Variants in ERCC6L2 observed in about 807,000 individuals in gnomAD.
ERCC6L2 encodes DNA excision repair protein ERCC-6-like 2.
ERCC6L2 carries 77 observed loss-of-function variants against 132.0 expected under a neutral mutation model. The observed-to-expected ratio is 0.58, with a 90% CI of 0.49 to 0.71. The LOEUF (loss-of-function observed/expected upper bound fraction) is 0.71. ERCC6L2 is among the 30% of genes least tolerant of loss of function. The probability of loss-of-function intolerance (pLI) is 0.00; values close to 1 mark genes in which losing one functional copy is unlikely to be tolerated. For synonymous variants in ERCC6L2, 583 were observed against 632.4 expected, an observed-to-expected ratio of 0.92 and a Z score of 1.17; for missense variants, 1,542 against 1,837.6, an observed-to-expected ratio of 0.84 and a Z score of 2.94.
chr9:95,899,894 C>T (rs75405314), intron 3 of ERCC6L2, among the ~76,000 whole-genome samples: 3,936 of 152,102 alleles, frequency 0.026, 192 homozygotes, highest in African/African-American at 0.091. Context: ...ACAAGGTCTG[C>T]GTACATGTTT....
intron 3 of ERCC6L2, among the ~76,000 whole-genome samples, chr9:95,905,825 A>G (rs1829006800): frequency 6.6e-6 from 1 of 152,250 alleles, no homozygotes; most frequent in African/African-American, 2.4e-5. Context: ...CACAGAAAAC[A>G]GAGCAGAATT....
At chr9:95,962,789 T>C (rs1831970385) in intron 13 of ERCC6L2, among the ~76,000 whole-genome samples, 1 of 152,168 alleles carries the variant, frequency 6.6e-6, no homozygotes, top group African/African-American at 2.4e-5. Flanking sequence ...GATAAGCCTA[T>C]CGTAAGTCCA....
intron 2 of ERCC6L2, among the ~76,000 whole-genome samples, chr9:95,889,662 T>TA (rs1179790266): frequency 6.6e-6 from 1 of 152,132 alleles, no homozygotes; most frequent in East Asian, 1.9e-4. Flanking sequence ...TTCCAGTCAA[T>TA]ATGCCAATTA....
chr9:96,032,232 A>T (rs564368390), intron 19 of ERCC6L2, among the ~76,000 whole-genome samples: 2 of 152,188 alleles, frequency 1.3e-5, no homozygotes, highest in African/African-American at 4.8e-5. Flanking sequence ...GGGACCCCAG[A>T]TCTGAAAAGC....
At chr9:95,978,276 A>G (rs924255586) in intron 17 of ERCC6L2, 61 bp downstream of exon 17, 23 of 1,131,770 alleles carry the variant, frequency 2.0e-5, no homozygotes, top group South Asian at 1.6e-4. Flanking sequence ...AAGTTACTCA[A>G]TAGGATCTTC....
intron 17 of ERCC6L2, among the ~76,000 whole-genome samples, chr9:95,983,549 A>T (rs192512530): frequency 3.0e-4 from 45 of 152,340 alleles, no homozygotes; most frequent in Non-Finnish European, 4.9e-4. Flanking sequence ...TAACTAGTGG[A>T]TTAAAGAATG....
chr9:96,009,637 C>T lies in ERCC6L2; in HGVS notation c.3675-2588C>T, dbSNP rs552615443. Among the ~76,000 whole-genome samples, 545 of 152,332 alleles carry T rather than the reference C, an allele frequency of 3.6e-3. 3 individuals carry two copies. The highest frequency in any genetic ancestry group is 0.013 in the African/African-American group (526 of 41,574). On this transcript the variant is annotated intron_variant, in intron 18 of 18. Transcript: ENST00000653738. ...ATGGAAGTCTACTCTAGTTAACTAA[C>T]TTTTCTTCACAAACTGGCTGGCTTA...
chr9:95,933,055 C>T (rs1356891627), intron 11 of ERCC6L2, among the ~76,000 whole-genome samples: 3 of 152,064 alleles, frequency 2.0e-5, no homozygotes, highest in African/African-American at 7.2e-5. Context: ...GCTTCTTCAG[C>T]AAGGACTGAA....
At chr9:95,900,694 T>C (rs1253846125) in intron 3 of ERCC6L2, among the ~76,000 whole-genome samples, 2 of 152,194 alleles carry the variant, frequency 1.3e-5, no homozygotes, top group African/African-American at 4.8e-5. Flanking sequence ...GTGCATTGTG[T>C]AGTCTCTGTT....
chr9:95,885,109 T>C (rs1158224228), intron 2 of ERCC6L2, among the ~76,000 whole-genome samples: 1 of 151,598 alleles, frequency 6.6e-6, no homozygotes, highest in Admixed American at 6.6e-5. Flanking sequence ...AGGTTGCAGA[T>C]TTTTTTTTGT....
chr9:95,941,154 T>C (rs1335886583), intron 11 of ERCC6L2, among the ~76,000 whole-genome samples: 3 of 152,158 alleles, frequency 2.0e-5, no homozygotes, highest in African/African-American at 7.2e-5. Flanking sequence ...TTTTAAAAAT[T>C]ATATTAGGAA....
intron 17 of ERCC6L2, among the ~76,000 whole-genome samples, chr9:95,999,983 G>A (rs1265705461): frequency 6.6e-6 from 1 of 151,438 alleles, no homozygotes; most frequent in East Asian, 1.9e-4. Flanking sequence ...CCGACTCCCT[G>A]GTTCAAGTGA....
At chr9:95,936,331 A>G (rs1377843818) in intron 11 of ERCC6L2, among the ~76,000 whole-genome samples, 1 of 152,198 alleles carries the variant, frequency 6.6e-6, no homozygotes, top group African/African-American at 2.4e-5. Context: ...TAAAATTAGC[A>G]TTGATGTTAT....
chr9:95,930,416 T>G (rs1221745640), intron 11 of ERCC6L2, among the ~76,000 whole-genome samples: 1 of 152,154 alleles, frequency 6.6e-6, no homozygotes, highest in African/African-American at 2.4e-5. Flanking sequence ...AAGCTCAGTT[T>G]TTGTTTAGTT....
chr9:96,021,423 T>G, downstream of ERCC6L2: 2 of 218,794 alleles, frequency 9.1e-6, no homozygotes, highest in South Asian at 6.5e-5. The surrounding 1 kb of genome is among the most constrained non-coding windows in gnomAD (Gnocchi z 4.7). Context: ...GGGGGCTGCT[T>G]CCCGCGGGGA....
chr9:95,907,016 T>C, intron 3 of ERCC6L2, 62 bp from the exon 4 acceptor site: 1 of 1,183,826 alleles, frequency 8.4e-7, no homozygotes, highest in Admixed American at 2.2e-5. Context: ...TATTGTGGAT[T>C]TCACTTTGGG....
intron 20 of ERCC6L2, among the ~76,000 whole-genome samples, chr9:96,040,412 G>A (rs551749066): frequency 2.0e-5 from 3 of 152,274 alleles, no homozygotes; most frequent in South Asian, 2.1e-4. Context: ...GGAGGCCCAC[G>A]GTTCCTCGTG....
At chr9:96,031,531 T>C (rs2133266724) in intron 19 of ERCC6L2, among the ~76,000 whole-genome samples, 1 of 152,158 alleles carries the variant, frequency 6.6e-6, no homozygotes, top group Non-Finnish European at 1.5e-5. Context: ...CAAGAGAAAA[T>C]AATTTCCCGG....
chr9:96,039,566 G>C (rs1196381024), intron 20 of ERCC6L2, among the ~76,000 whole-genome samples: 1 of 152,152 alleles, frequency 6.6e-6, no homozygotes, highest in African/African-American at 2.4e-5. Flanking sequence ...ACTTGGCTTG[G>C]GGAGAAAGAC....
Sources: gnomAD v4.1 joint callset for allele counts (sites outside exome capture counted in the v4.1 genomes callset) on GRCh38, gnomAD v4.1.1 for gene constraint, Gnocchi (gnomAD v3.1) non-coding constraint, MANE v1.5 for transcripts, NCBI Gene and HGNC (gene_info 2026-07-23, HGNC 2026-07-21) for gene names.